The following RBM33 variants were observed in gnomAD, a reference collection of about 807,000 sequenced individuals.
RBM33 encodes RNA binding motif protein 33.
RBM33 carries 28 observed loss-of-function variants against 132.6 expected under a neutral mutation model. That is an observed-to-expected ratio of 0.21 (90% CI 0.16 to 0.29). RBM33 has a LOEUF of 0.29. Ranked by LOEUF, RBM33 falls within the 10% of genes least tolerant of loss-of-function variation. The pLI is 1.00. For synonymous variants in RBM33, 634 were observed against 593.0 expected (o/e 1.07, Z -1.01); for missense variants, 1,291 against 1,518.5 (o/e 0.85, Z 2.49).
chr7:155,742,766 A>G lies in RBM33; in HGVS notation c.2337+660A>G, dbSNP rs551499478. ...AGAATGTAGTGAGTGTGAACAATCA[A>G]TGCAGCTCAGTCTTTACCTGGCTTT... On this transcript the variant is annotated intron_variant, in intron 13 of 17. Transcript: ENST00000401878. Among the ~76,000 whole-genome samples the G allele has an allele frequency of 9.2e-5, 14 of 152,344 alleles. No individual in the cohort carries two copies. In the South Asian group the frequency reaches 1.7e-3, roughly 18 times the overall value.
rs572656240 is a variant in RBM33 at position 155,701,206 on chromosome 7, A to G, written c.739+262A>G. ...AAATTTTTTTTTGAGTCTGTGGCCTACAGCTGCTCTTGTACATGCTGTGGT... is the reference window on the plus strand; with the variant it reads ...AAATTTTTTTTTGAGTCTGTGGCCTGCAGCTGCTCTTGTACATGCTGTGGT... On this transcript the variant is annotated intron_variant, in intron 6 of 17. Coordinates refer to ENST00000401878, the MANE Select transcript of RBM33 (RefSeq NM_053043.3). The G allele has an allele frequency of 1.9e-4, 104 of 538,852 alleles. 1 individual carries two copies. Among genetic ancestry groups the G allele is most frequent in the African/African-American group, 1.9e-3 (99 of 52,260 alleles). The allele number at this position is 538,852 out of a possible 1,614,324, so 33.4% of individuals were successfully genotyped here.
chr7:155,724,122 T>G (rs894795645), intron 9 of RBM33, among the ~76,000 whole-genome samples: 9 of 152,220 alleles, frequency 5.9e-5, no homozygotes, highest in Non-Finnish European at 7.3e-5. Context: ...TGATGTGTCC[T>G]ACAAAACACA....
At chr7:155,744,538 A>T (rs575716668) in intron 13 of RBM33, among the ~76,000 whole-genome samples, 1 of 152,356 alleles carries the variant, frequency 6.6e-6, no homozygotes, top group African/African-American at 2.4e-5. Flanking sequence ...ACGAAAAATC[A>T]ATAGTTCTAA....
At chr7:155,646,457 C>T (rs1798197059) in intron 1 of RBM33, among the ~76,000 whole-genome samples, 1 of 152,096 alleles carries the variant, frequency 6.6e-6, no homozygotes, top group Non-Finnish European at 1.5e-5. Flanking sequence ...CCAAAGTTTC[C>T]TTTGCTCTTC....
At chr7:155,660,382 A>G (rs1563130970) in intron 1 of RBM33, among the ~76,000 whole-genome samples, 1 of 152,218 alleles carries the variant, frequency 6.6e-6, no homozygotes, top group Admixed American at 6.5e-5. Context: ...GTTTCTAAAT[A>G]AAATCACATT....
At chr7:155,757,102 A>G (rs544061924) in intron 14 of RBM33, among the ~76,000 whole-genome samples, 39 of 152,194 alleles carry the variant, frequency 2.6e-4, no homozygotes, top group Non-Finnish European at 5.0e-4. Flanking sequence ...TCAAAAACAA[A>G]ACCACTAATA....
chr7:155,716,704 T>C (rs1392900634), intron 8 of RBM33, among the ~76,000 whole-genome samples: 1 of 152,210 alleles, frequency 6.6e-6, no homozygotes, highest in East Asian at 1.9e-4. Context: ...TTCTCCACTT[T>C]CTCCAGTCTA....
At chr7:155,716,831 G>A (rs935485914) in intron 8 of RBM33, among the ~76,000 whole-genome samples, 7 of 152,146 alleles carry the variant, frequency 4.6e-5, no homozygotes, top group African/African-American at 1.7e-4. Context: ...TTGAAATTTG[G>A]ACTCATTAGA....
chr7:155,750,330 C>T (rs1450763430), intron 14 of RBM33, among the ~76,000 whole-genome samples: 2 of 151,764 alleles, frequency 1.3e-5, no homozygotes, highest in East Asian at 3.9e-4. Context: ...CAAGTAATAA[C>T]AGCAAATATA....
chr7:155,715,720 G>A (rs944561801), intron 8 of RBM33, among the ~76,000 whole-genome samples: 9 of 152,174 alleles, frequency 5.9e-5, no homozygotes, highest in African/African-American at 2.2e-4. Flanking sequence ...TAGGTAGATA[G>A]GCAACACTTT....
chr7:155,709,701 C>A (rs1431660630), intron 7 of RBM33, among the ~76,000 whole-genome samples: 1 of 152,192 alleles, frequency 6.6e-6, no homozygotes, highest in African/African-American at 2.4e-5. Flanking sequence ...TGTTAGTGTG[C>A]TGTCTGTGGG....
intron 2 of RBM33, among the ~76,000 whole-genome samples, chr7:155,670,880 A>G (rs1798926503): frequency 6.6e-6 from 1 of 152,236 alleles, no homozygotes. Context: ...ATCTTTTTAA[A>G]AATGTTTTCG....
chr7:155,749,070 C>T (rs748181864), intron 14 of RBM33, among the ~76,000 whole-genome samples: 5 of 152,092 alleles, frequency 3.3e-5, no homozygotes, highest in Non-Finnish European at 5.9e-5. Context: ...TGCAGAAAGA[C>T]TCCTGTTTGA....
Position 155,661,146 on chromosome 7 carries a change from A to ATATTT in RBM33, c.44-4028_44-4027insATTTT, listed in dbSNP as rs1421586760. ...TGTGTGTGTGTATATATATATATAT[A>ATATTT]TTTTTTTTTTTTTGAGACAGAGTCT... On this transcript the variant is annotated intron_variant, in intron 1 of 17. Transcript: ENST00000401878. Among the ~76,000 whole-genome samples the ATATTT allele has an allele frequency of 6.5e-3, 528 of 81,100 alleles. 21 individuals are homozygous for ATATTT. The highest frequency in any genetic ancestry group is 8.8e-3 in the Non-Finnish European group (344 of 39,034). The allele number at this position is 81,100 out of a possible 152,430, so 53.2% of individuals were successfully genotyped here. A position where few individuals can be genotyped will look rare whatever the true frequency, so the allele number is the denominator to read the frequency against.
intron 5 of RBM33, among the ~76,000 whole-genome samples, chr7:155,697,950 T>TTCAC (rs1563149049): frequency 6.6e-6 from 1 of 152,242 alleles, no homozygotes; most frequent in African/African-American, 2.4e-5. Context: ...AATGAAAGAT[T>TTCAC]TACATGCACA....
intron 12 of RBM33, among the ~76,000 whole-genome samples, chr7:155,741,116 CT>C (rs1287019758): frequency 8.5e-5 from 13 of 152,130 alleles, no homozygotes; most frequent in Non-Finnish European, 1.9e-4. Context: ...GAAGAGGGTG[CT>C]TTATAACCTG....
At position 155,712,049 on chromosome 7, in the gene RBM33, G is replaced by A. The variant is rs550581502; in HGVS notation, c.1201+594G>A. Among the ~76,000 whole-genome samples, 6 of 152,294 alleles carry A rather than the reference G, an allele frequency of 3.9e-5. No homozygotes were observed. In the South Asian group the frequency reaches 1.2e-3, roughly 32 times the overall value. The stretch of plus-strand genomic sequence containing the variant: ...GTATCTCTTATTGTATAATTGAGTG[G>A]AAAGTGCTGAGAGTACAGTCTGAAT... On this transcript the variant is annotated intron_variant, in intron 8 of 17. Coordinates refer to ENST00000401878, the MANE Select transcript of RBM33 (RefSeq NM_053043.3).
intron 5 of RBM33, among the ~76,000 whole-genome samples, chr7:155,689,636 T>C (rs1799575854): frequency 6.6e-6 from 1 of 152,240 alleles, no homozygotes; most frequent in Admixed American, 6.5e-5. Context: ...CTCTACACAC[T>C]GCTTTAAATG....
chr7:155,672,307 C>T (rs550670482), intron 2 of RBM33, among the ~76,000 whole-genome samples: 1 of 152,188 alleles, frequency 6.6e-6, no homozygotes, highest in South Asian at 2.1e-4. Context: ...ATTAAGATCC[C>T]ATATTAAGGT....
Sources: allele counts gnomAD v4.1 joint callset (sites outside exome capture counted in the v4.1 genomes callset), GRCh38; gene constraint gnomAD v4.1.1; transcripts MANE v1.5; gene names NCBI Gene and HGNC (gene_info 2026-07-23, HGNC 2026-07-21).